The following RTTN variants were observed in gnomAD, a reference collection of about 807,000 sequenced individuals.
RTTN encodes rotatin.
RTTN carries 182 observed loss-of-function variants against 269.2 expected under a neutral mutation model. That is an observed-to-expected ratio of 0.68 (90% CI 0.60 to 0.76). The LOEUF is 0.76. Among genes scored for constraint, RTTN ranks in the 30% least tolerant of loss-of-function variants. The pLI is 0.00. For synonymous variants in RTTN, 1,006 were observed against 963.5 expected (o/e 1.04, Z -0.82); for missense variants, 2,545 against 2,608.6 (o/e 0.98, Z 0.53).
intron 16 of RTTN, 25 bp downstream of exon 16, chr18:70,149,946 A>G (rs937712320): frequency 1.4e-6 from 2 of 1,460,672 alleles, no homozygotes. Context: ...AAATGGTATC[A>G]TAAAAAGTGA....
intron 19 of RTTN, among the ~76,000 whole-genome samples, chr18:70,141,685 G>A (rs142658374): frequency 6.6e-6 from 1 of 151,878 alleles, no homozygotes; most frequent in Non-Finnish European, 1.5e-5. Flanking sequence ...TGAGTTGATG[G>A]GTGCAGCAAA....
rs983191566 is a variant in RTTN, at chr18:70,017,801, C to T, written c.6154-127G>A. 7.7e-5 allele frequency: 55 copies of T among 716,290 alleles called. No homozygotes were observed. In the African/African-American group the frequency reaches 9.7e-4, roughly 13 times the overall value. 44.4% of individuals were successfully genotyped at this position (716,290 alleles called of 1,614,324 possible). On this transcript the variant is annotated intron_variant, in intron 45 of 48. Transcript: ENST00000640769. ...TACATTAATTTCTCCTTTCTAATAG[C>T]TTCTGAATATTCCATCTATATTATT... is the stretch of plus-strand genomic sequence containing the variant.
intron 9 of RTTN, among the ~76,000 whole-genome samples, chr18:70,188,578 C>T (rs1346535861): frequency 1.3e-5 from 2 of 152,170 alleles, no homozygotes; most frequent in East Asian, 1.9e-4. Context: ...GTTTAGAAAA[C>T]GTATTCCAAT....
rs1291128746 is a variant in RTTN at position 70,150,019 on chromosome 18, G to C, written c.2124C>G (p.Thr708=). 1 of 1,613,320 alleles carries C rather than the reference G, an allele frequency of 6.2e-7. No individual in the cohort carries two copies. The highest frequency in any genetic ancestry group is 1.7e-5 in the Admixed American group (1 of 59,964). ...LQGRLMMTAL[T]WNKFIESLCP... Reference sequence around the variant, plus strand: ...AGAGAGATTCAATAAACTTGTTCCAGGTCAATGCTGTCATCATCAATCGTC... The same window carrying C: ...AGAGAGATTCAATAAACTTGTTCCACGTCAATGCTGTCATCATCAATCGTC... Residue 708 remains threonine, a synonymous_variant, in exon 16 of 49, where the codon ACC becomes ACG. Coordinates refer to ENST00000640769, the MANE Select transcript of RTTN (RefSeq NM_173630.4).
At chr18:70,049,335 T>G (rs1356394747) in intron 39 of RTTN, among the ~76,000 whole-genome samples, 1 of 152,146 alleles carries the variant, frequency 6.6e-6, no homozygotes, top group Non-Finnish European at 1.5e-5. Flanking sequence ...GATAAACTAA[T>G]TTTCCCCCAA....
chr18:70,152,901 T>C (rs1163735207), intron 14 of RTTN, among the ~76,000 whole-genome samples: 1 of 152,218 alleles, frequency 6.6e-6, no homozygotes, highest in East Asian at 1.9e-4. Flanking sequence ...AAATCATTCA[T>C]AGCATCTCAC....
intron 40 of RTTN, among the ~76,000 whole-genome samples, chr18:70,032,658 G>A (rs2057050762): frequency 1.3e-5 from 2 of 152,188 alleles, no homozygotes; most frequent in Non-Finnish European, 2.9e-5. Flanking sequence ...ACTAAACACA[G>A]AAACATCCAG....
chr18:70,020,624 T>C lies in RTTN; in HGVS notation c.6144A>G (p.Val2048=), dbSNP rs2304378. ...NLALSHDCKG[V]IQKSNFLQNF... ...GAGTTTAAGTGCGTACCTTCTGAAT[T>C]ACTCCTTTACAGTCATGCGACAAGG... Residue 2048 remains valine (V), a synonymous_variant, in exon 45 of 49, where the codon GTA becomes GTG. Transcript: ENST00000640769. The C allele has an allele frequency of 0.2, 318,613 of 1,612,234 alleles. 32,809 individuals are homozygous for C. The highest frequency in any genetic ancestry group is 0.41 in the Middle Eastern group (2,456 of 6,058).
intron 31 of RTTN, among the ~76,000 whole-genome samples, chr18:70,087,292 G>C (rs143395318): frequency 6.6e-6 from 1 of 152,304 alleles, no homozygotes; most frequent in Non-Finnish European, 1.5e-5. Context: ...AGGATTCTAA[G>C]AAACTGACAT....
chr18:70,095,373 G>C (rs1685479522), intron 28 of RTTN, among the ~76,000 whole-genome samples: 1 of 152,164 alleles, frequency 6.6e-6, no homozygotes, highest in Admixed American at 6.6e-5. Context: ...CCCATTAGTT[G>C]ACGCAGTTTC....
At chr18:70,019,118 C>T (rs1274122987) in intron 45 of RTTN, among the ~76,000 whole-genome samples, 1 of 152,014 alleles carries the variant, frequency 6.6e-6, no homozygotes, top group East Asian at 1.9e-4. Context: ...TTAATCCGTC[C>T]CTGGAAAGAG....
chr18:70,129,796 G>C (rs567939558), intron 23 of RTTN: 3 of 151,964 alleles, frequency 2.0e-5, no homozygotes, highest in Non-Finnish European at 4.4e-5. Flanking sequence ...AAGCTAAAAA[G>C]CTTCTGCATA....
In RTTN at chr18:70,092,086, C is replaced by T. The variant is rs753922765; in HGVS notation, c.4143+24G>A. On this transcript the variant is annotated intron_variant, in intron 30 of 48. Transcript: ENST00000640769. ...TTTGTTTTTTAATCTAAACACAATA[C>T]ACTTGATTCTCCTTCACACTCACCT... The T allele has an allele frequency of 1.0e-5, 15 of 1,471,626 alleles. No homozygotes were observed. In the Middle Eastern group the frequency reaches 1.2e-3, roughly 119 times the overall value. The allele number at this position is 1,471,626 out of a possible 1,614,324, so 91.2% of individuals were successfully genotyped here.
intron 27 of RTTN, among the ~76,000 whole-genome samples, chr18:70,111,386 C>T (rs545154290): frequency 6.6e-6 from 1 of 152,300 alleles, no homozygotes; most frequent in South Asian, 2.1e-4. Context: ...CTTTGCTGTT[C>T]TGCAGCCTCC....
rs1156796249 is a variant in RTTN at position 70,060,011 on chromosome 18, A to C, written c.4779T>G (p.Pro1593=). Residue 1593 remains proline, a synonymous_variant, in exon 36 of 49, where the codon CCT becomes CCG. Coordinates refer to ENST00000640769, the MANE Select transcript of RTTN (RefSeq NM_173630.4). The part of the protein sequence containing the change: ...GHQESTSPRP[P]HDSSLSAPLP... The stretch of plus-strand genomic sequence containing the variant: ...GGGGAGCAGAAAGAGATGAATCATG[A>C]GGTGGCCGTGGTGATGTACTTTCCT... The C allele has an allele frequency of 6.2e-7, 1 of 1,613,202 alleles. No individual in the cohort carries two copies. The highest frequency in any genetic ancestry group is 1.7e-5 in the Admixed American group (1 of 59,844).
At chr18:70,190,159 T>C (rs986092554) in intron 9 of RTTN, among the ~76,000 whole-genome samples, 8 of 152,004 alleles carry the variant, frequency 5.3e-5, no homozygotes, top group Admixed American at 1.3e-4. Flanking sequence ...GTCCACCTTT[T>C]ATACCTTATT....
chr18:70,192,158 T>C (rs191450434), intron 8 of RTTN, among the ~76,000 whole-genome samples: 30 of 152,298 alleles, frequency 2.0e-4, no homozygotes, highest in Non-Finnish European at 3.5e-4. Context: ...GCACAGGGCA[T>C]AACACCATAC....
chr18:70,160,975 T>G (rs113464530), intron 14 of RTTN, among the ~76,000 whole-genome samples: 3,084 of 152,300 alleles, frequency 0.02, 106 homozygotes, highest in African/African-American at 0.068. Flanking sequence ...ATGTCATTCT[T>G]CACAGAATTA....
chr18:70,066,422 G>A (rs2058136008), intron 34 of RTTN, among the ~76,000 whole-genome samples: 1 of 152,162 alleles, frequency 6.6e-6, no homozygotes, highest in Admixed American at 6.5e-5. Flanking sequence ...AGTTTGCTGA[G>A]ATTGCTTCAG....
Sources: allele counts gnomAD v4.1 joint callset (sites outside exome capture counted in the v4.1 genomes callset), GRCh38; gene constraint gnomAD v4.1.1; transcripts MANE v1.5; gene names NCBI Gene and HGNC (gene_info 2026-07-23, HGNC 2026-07-21).